The following RASA1 variants were observed in gnomAD, a reference collection of about 807,000 sequenced individuals.
The protein encoded by RASA1 is RAS p21 protein activator 1.
RASA1 carries 25 observed loss-of-function variants against 132.2 expected under a neutral mutation model. The observed-to-expected ratio is 0.19, with a 90% CI of 0.14 to 0.26. RASA1 has a LOEUF of 0.26. RASA1 is among the 10% of genes least tolerant of loss of function. The pLI is 1.00. For missense variants in RASA1, 964 were observed against 1,299.2 expected, an observed-to-expected ratio of 0.74 and a Z score of 3.97; for synonymous variants, 477 against 449.9, an observed-to-expected ratio of 1.06 and a Z score of -0.76.
chr5:87,385,158 T>G (rs1761981353), intron 21 of RASA1, 143 bp from the exon 22 acceptor site: 2 of 678,614 alleles, frequency 2.9e-6, no homozygotes, highest in Admixed American at 5.1e-5. Flanking sequence ...CAAAAAACAT[T>G]TTTCCAAAAA....
chr5:87,332,285 C>T (rs1262099286), intron 2 of RASA1, among the ~76,000 whole-genome samples: 1 of 151,862 alleles, frequency 6.6e-6, no homozygotes, highest in Non-Finnish European at 1.5e-5. Flanking sequence ...GGTTTATAAG[C>T]CTGATATGTA....
At chr5:87,338,551 A>G (rs1368628416) in intron 5 of RASA1, among the ~76,000 whole-genome samples, 2 of 78,378 alleles carry the variant, frequency 2.6e-5, no homozygotes, top group Non-Finnish European at 5.3e-5. Context: ...TTTTTTTTTT[A>G]AGTAGAAATG....
At chr5:87,387,656 T>C (rs974949954) in intron 23 of RASA1, among the ~76,000 whole-genome samples, 3 of 152,186 alleles carry the variant, frequency 2.0e-5, no homozygotes, top group Non-Finnish European at 4.4e-5. Context: ...TCTGTCTTAA[T>C]GTATTCAGAT....
At chr5:87,293,077 T>C (rs560116767) in intron 1 of RASA1, among the ~76,000 whole-genome samples, 1 of 152,238 alleles carries the variant, frequency 6.6e-6, no homozygotes, top group South Asian at 2.1e-4. Flanking sequence ...TTTCTTCTTT[T>C]CCAATCAGTA....
At chr5:87,328,961 C>G (rs1757421339) in intron 1 of RASA1, among the ~76,000 whole-genome samples, 1 of 130,358 alleles carries the variant, frequency 7.7e-6, no homozygotes, top group Admixed American at 7.6e-5. Context: ...AAGCTGATGG[C>G]TGGATAATTT....
At chr5:87,386,776 A>G (rs1387055574) in intron 22 of RASA1, 50 bp from the exon 23 acceptor site, 1 of 1,514,824 alleles carries the variant, frequency 6.6e-7, no homozygotes, top group Non-Finnish European at 9.2e-7. Context: ...CTAATAGATC[A>G]AACAGTGGTT....
At chr5:87,314,682 A>G (rs1046455340) in intron 1 of RASA1, among the ~76,000 whole-genome samples, 1 of 152,176 alleles carries the variant, frequency 6.6e-6, no homozygotes, top group African/African-American at 2.4e-5. Flanking sequence ...AAAGATGAGA[A>G]ACAGGAGAGA....
intron 1 of RASA1, chr5:87,318,730 C>T (rs1241793886): frequency 6.6e-6 from 1 of 152,146 alleles, no homozygotes; most frequent in Non-Finnish European, 1.5e-5. Flanking sequence ...GGGTACAGAG[C>T]CAAACCATAT....
intron 1 of RASA1, among the ~76,000 whole-genome samples, chr5:87,279,177 A>G (rs1754203754): frequency 6.6e-6 from 1 of 152,174 alleles, no homozygotes; most frequent in Non-Finnish European, 1.5e-5. Context: ...TATGAGGTTG[A>G]GGCTGCAGTG....
At chr5:87,355,799 C>T (rs993907661) in intron 9 of RASA1, among the ~76,000 whole-genome samples, 2 of 152,156 alleles carry the variant, frequency 1.3e-5, no homozygotes, top group African/African-American at 4.8e-5. Context: ...GCCAAAATAA[C>T]AACATTAACA....
chr5:87,325,631 C>T (rs1450034068), intron 1 of RASA1, among the ~76,000 whole-genome samples: 1 of 152,080 alleles, frequency 6.6e-6, no homozygotes, highest in Non-Finnish European at 1.5e-5. Flanking sequence ...TACTTTGGTG[C>T]CTGTCAGTAA....
intron 11 of RASA1, among the ~76,000 whole-genome samples, chr5:87,367,458 C>T (rs12514477): frequency 2.2e-4 from 34 of 152,290 alleles, no homozygotes; most frequent in Admixed American, 1.5e-3. Flanking sequence ...GTGATTAGTG[C>T]GCATGCTCAG....
intron 1 of RASA1, among the ~76,000 whole-genome samples, chr5:87,278,600 T>C (rs1033026936): frequency 3.9e-5 from 6 of 152,156 alleles, no homozygotes; most frequent in African/African-American, 1.4e-4. Flanking sequence ...TCATCCATTT[T>C]ACCTCAGTGG....
chr5:87,304,543 C>T (rs893293249), intron 1 of RASA1, among the ~76,000 whole-genome samples: 1 of 151,584 alleles, frequency 6.6e-6, no homozygotes, highest in African/African-American at 2.4e-5. Context: ...TCTCGGCTCA[C>T]TGCAACCTCC....
intron 9 of RASA1, among the ~76,000 whole-genome samples, chr5:87,353,977 T>G (rs1024984709): frequency 6.6e-6 from 1 of 152,062 alleles, no homozygotes; most frequent in African/African-American, 2.4e-5. Context: ...AAGTGGAAAA[T>G]GGAGGTACTG....
chr5:87,369,921 A>G, intron 12 of RASA1, 21 bp downstream of exon 12: 2 of 1,546,186 alleles, frequency 1.3e-6, no homozygotes, highest in Non-Finnish European at 1.8e-6. Context: ...TGTTTCTCAA[A>G]CTACAGTATA....
chr5:87,367,687 C>A (rs1760626393), intron 11 of RASA1, among the ~76,000 whole-genome samples: 1 of 152,184 alleles, frequency 6.6e-6, no homozygotes. Flanking sequence ...TTAATTTTTA[C>A]ACCATCTTTT....
At chr5:87,374,128 G>C in intron 13 of RASA1, 35 bp from the exon 14 acceptor site, 1 of 1,305,466 alleles carries the variant, frequency 7.7e-7, no homozygotes, top group Non-Finnish European at 9.9e-7. Context: ...TAGAAATCTG[G>C]GGTAATATAT....
Position 87,329,827 on chromosome 5 carries a change from A to T in RASA1, c.540-1521A>T, listed in dbSNP as rs939345350. On this transcript the variant is annotated intron_variant, in intron 1 of 24. Transcript: ENST00000274376. ...CCCATATATTTTCACAACTAAATAA[A>T]CTCATAGCCTGAAATTTCAAAATTT... Among the ~76,000 whole-genome samples the T allele has an allele frequency of 2.6e-5, 4 of 152,240 alleles. No homozygotes were observed. In the East Asian group the frequency reaches 7.7e-4, roughly 29 times the overall value.
Sources: gnomAD v4.1 joint callset for allele counts (sites outside exome capture counted in the v4.1 genomes callset) on GRCh38, gnomAD v4.1.1 for gene constraint, MANE v1.5 for transcripts, NCBI Gene and HGNC (gene_info 2026-07-23, HGNC 2026-07-21) for gene names.